The following FXR1 variants were observed in gnomAD, a reference collection of about 807,000 sequenced individuals.
FXR1 encodes the protein FMR1 autosomal homolog 1, also known as RNA-binding protein FXR1.
Under a neutral mutation model 84.0 loss-of-function variants are expected in FXR1, and 15 were observed. The ratio of observed to expected loss-of-function variants is 0.18; its 90% CI spans 0.12 to 0.27. The LOEUF is 0.27. FXR1 is among the 10% of genes least tolerant of loss of function. The pLI is 1.00. For missense variants in FXR1, 480 were observed against 774.4 expected, an observed-to-expected ratio of 0.62 and a Z score of 4.51; for synonymous variants, 245 against 250.7, an observed-to-expected ratio of 0.98 and a Z score of 0.21.
chr3:180,915,817 G>C (rs901295230), intron 1 of FXR1, among the ~76,000 whole-genome samples: 4 of 152,212 alleles, frequency 2.6e-5, no homozygotes, highest in Non-Finnish European at 4.4e-5. Context: ...AAATTAATTG[G>C]AACCAGTGAA....
intron 4 of FXR1, 193 bp from the exon 5 acceptor site, chr3:180,948,154 G>C: frequency 1.6e-6 from 1 of 612,724 alleles, no homozygotes; most frequent in Non-Finnish European, 2.9e-6. Flanking sequence ...TGTAAGGACC[G>C]CCAAGGTTCA....
intron 7 of FXR1, among the ~76,000 whole-genome samples, chr3:180,950,384 T>C (rs756665332): frequency 6.6e-6 from 1 of 152,206 alleles, no homozygotes; most frequent in Non-Finnish European, 1.5e-5. Flanking sequence ...CCCCATTCAT[T>C]TTATGACATT....
chr3:180,964,673 T>TTATATATA (rs10600370), intron 13 of FXR1, among the ~76,000 whole-genome samples: 1,480 of 136,268 alleles, frequency 0.011, 39 homozygotes, highest in African/African-American at 0.039. Context: ...TGTAGTTGAT[T>TTATATATA]TATATATATA....
At chr3:180,915,650 T>C in intron 1 of FXR1, 1 of 713,834 alleles carries the variant, frequency 1.4e-6, no homozygotes, top group Non-Finnish European at 2.5e-6. Flanking sequence ...AATTTCCCTT[T>C]TTTCCCCTCC....
intron 1 of FXR1, among the ~76,000 whole-genome samples, chr3:180,919,185 C>T (rs1425967161): frequency 6.6e-6 from 1 of 151,658 alleles, no homozygotes; most frequent in East Asian, 1.9e-4. Context: ...ATGTACTAGT[C>T]TGAATTGAGA....
At chr3:180,943,530 G>T (rs1721367232) in intron 3 of FXR1, among the ~76,000 whole-genome samples, 1 of 152,186 alleles carries the variant, frequency 6.6e-6, no homozygotes, top group Non-Finnish European at 1.5e-5. Context: ...GCCTCCCAGA[G>T]TGCTGGGATT....
chr3:180,937,987 G>A (rs948718325), intron 3 of FXR1, among the ~76,000 whole-genome samples: 1 of 151,872 alleles, frequency 6.6e-6, no homozygotes, highest in Non-Finnish European at 1.5e-5. Flanking sequence ...AAAAAAAATT[G>A]GGATTAAGTT....
chr3:180,944,793 T>C (rs1158419754), intron 3 of FXR1, among the ~76,000 whole-genome samples: 2 of 152,114 alleles, frequency 1.3e-5, no homozygotes, highest in African/African-American at 4.8e-5. Flanking sequence ...TGGCTAACTT[T>C]TGTATTTTGC....
intron 3 of FXR1, among the ~76,000 whole-genome samples, chr3:180,941,427 A>G (rs1035292562): frequency 2.0e-5 from 3 of 152,050 alleles, no homozygotes; most frequent in African/African-American, 7.2e-5. Flanking sequence ...TCCTGGGCTC[A>G]AGCAGTCACC....
At chr3:180,931,026 CA>C (rs57731098) in intron 1 of FXR1, among the ~76,000 whole-genome samples, 101 of 55,614 alleles carry the variant, frequency 1.8e-3, no homozygotes, top group East Asian at 5.1e-3. Context: ...GAGACTGCCT[CA>C]AAAAAAAAAA....
intron 1 of FXR1, among the ~76,000 whole-genome samples, chr3:180,924,233 A>T (rs1718912663): frequency 6.6e-6 from 1 of 152,062 alleles, no homozygotes; most frequent in Non-Finnish European, 1.5e-5. Context: ...TACAGGTGTG[A>T]GCTGTCGTGC....
At chr3:180,967,414 T>TA (rs768221396) in intron 13 of FXR1, among the ~76,000 whole-genome samples, 1 of 152,196 alleles carries the variant, frequency 6.6e-6, no homozygotes, top group Non-Finnish European at 1.5e-5. Flanking sequence ...ACTATACAGT[T>TA]AAACTATTCA....
intron 3 of FXR1, among the ~76,000 whole-genome samples, chr3:180,938,011 T>C (rs1301121618): frequency 6.6e-6 from 1 of 152,198 alleles, no homozygotes; most frequent in African/African-American, 2.4e-5. Flanking sequence ...TATTTGTGAC[T>C]TTTGTATTCA....
At chr3:180,939,404 A>G (rs975821787) in intron 3 of FXR1, among the ~76,000 whole-genome samples, 8 of 152,122 alleles carry the variant, frequency 5.3e-5, no homozygotes, top group East Asian at 1.9e-4. Flanking sequence ...TCATTCTTCA[A>G]TCATACTTAG....
Position 180,976,150 on chromosome 3 carries a change from C to T in FXR1, c.1724C>T (p.Pro575Leu). The T allele has an allele frequency of 6.2e-7, 1 of 1,612,814 alleles. No homozygotes were observed. The highest frequency in any genetic ancestry group is 8.5e-7 in the Non-Finnish European group (1 of 1,179,368). ...MAKDVIEEHG[P>L]SEKAINGPTS... ...AAAGATGTGATTGAAGAGCATGGTCCTTCAGAAAAGGCAATAAACGGCCCA... is the reference window on the plus strand; with the variant it reads ...AAAGATGTGATTGAAGAGCATGGTCTTTCAGAAAAGGCAATAAACGGCCCA... The change falls in exon 17 of 17, where the codon CCT (proline) becomes CTT (leucine). Residue 575 changes from proline (P) to leucine (L), a missense_variant. This residue lies in a region of FXR1 where 94 missense variants were observed against 81.8 expected (regional missense o/e 1.15). Coordinates refer to ENST00000357559, the MANE Select transcript of FXR1 (RefSeq NM_005087.4).
At chr3:180,936,348 A>G (rs915542628) in intron 3 of FXR1, among the ~76,000 whole-genome samples, 1 of 151,864 alleles carries the variant, frequency 6.6e-6, no homozygotes, top group African/African-American at 2.4e-5. Context: ...GTTCACTCCA[A>G]CCTCCTCTTC....
chr3:180,929,401 G>C (rs1396229320), intron 1 of FXR1, among the ~76,000 whole-genome samples: 1 of 152,154 alleles, frequency 6.6e-6, no homozygotes, highest in Non-Finnish European at 1.5e-5. Context: ...AGTTTCAAAT[G>C]TAAACATTAT....
At chr3:180,960,316 C>CT (rs1337719996) in intron 10 of FXR1, among the ~76,000 whole-genome samples, 1 of 152,176 alleles carries the variant, frequency 6.6e-6, no homozygotes. Flanking sequence ...GGAAGTACCT[C>CT]TTGTAGTACA....
chr3:180,962,504 A>T (rs1282803954), intron 11 of FXR1, among the ~76,000 whole-genome samples: 1 of 152,250 alleles, frequency 6.6e-6, no homozygotes. Context: ...AGTACCTTTC[A>T]TAGATGCTAC....
Sources: allele counts gnomAD v4.1 joint callset (sites outside exome capture counted in the v4.1 genomes callset), GRCh38; gene constraint gnomAD v4.1.1; regional missense constraint gnomAD v4.1.1; transcripts MANE v1.5; gene names NCBI Gene and HGNC (gene_info 2026-07-23, HGNC 2026-07-21).